DTNA: variants seen among roughly 807,000 people sequenced by gnomAD.
DTNA encodes the protein dystrobrevin alpha, also known as dystrophin-related protein 3.
Under a neutral mutation model 100.7 loss-of-function variants are expected in DTNA, and 43 were observed. That is an observed-to-expected ratio of 0.43 (90% CI 0.33 to 0.55). The LOEUF (loss-of-function observed/expected upper bound fraction) is 0.55. Among genes scored for constraint, DTNA ranks in the 20% least tolerant of loss-of-function variants. The probability of loss-of-function intolerance (pLI) is 0.04; values close to 1 mark genes in which losing one functional copy is unlikely to be tolerated. For synonymous variants in DTNA, 349 were observed against 347.9 expected (o/e 1.00, Z -0.04); for missense variants, 798 against 953.9 (o/e 0.84, Z 2.15).
At chr18:34,663,455 G>A (rs1405005386) in intron 1 of DTNA, among the ~76,000 whole-genome samples, 3 of 152,114 alleles carry the variant, frequency 2.0e-5, no homozygotes, top group Admixed American at 2.0e-4. Context: ...ATGAGCCACC[G>A]TGCCTAGCCA....
chr18:34,645,646 G>C (rs2143407970), intron 1 of DTNA, among the ~76,000 whole-genome samples: 1 of 152,166 alleles, frequency 6.6e-6, no homozygotes, highest in African/African-American at 2.4e-5. Flanking sequence ...GAAATGGAGA[G>C]GGGTTCCTTG....
intron 1 of DTNA, among the ~76,000 whole-genome samples, chr18:34,724,793 A>G (rs1044918534): frequency 1.2e-4 from 18 of 152,192 alleles, no homozygotes; most frequent in African/African-American, 4.3e-4. Context: ...CTAGGCAAAA[A>G]GAACAAAGCT....
intron 1 of DTNA, chr18:34,663,117 C>T (rs1275351551): frequency 1.3e-5 from 2 of 152,044 alleles, no homozygotes. Flanking sequence ...GTTATTAAGT[C>T]TTGGGAGTGT....
chr18:34,793,055 A>G (rs1482240776), intron 3 of DTNA, among the ~76,000 whole-genome samples: 4 of 152,226 alleles, frequency 2.6e-5, no homozygotes, highest in Non-Finnish European at 4.4e-5. Context: ...TCAGCAATAC[A>G]TGTATGAATT....
intron 3 of DTNA, among the ~76,000 whole-genome samples, chr18:34,777,057 C>G (rs924653218): frequency 6.6e-6 from 1 of 152,248 alleles, no homozygotes; most frequent in Non-Finnish European, 1.5e-5. Flanking sequence ...CCATTTAACA[C>G]TCCAGTTCCC....
At chr18:34,727,426 A>T (rs1420169864) in intron 1 of DTNA, among the ~76,000 whole-genome samples, 1 of 152,220 alleles carries the variant, frequency 6.6e-6, no homozygotes, top group Non-Finnish European at 1.5e-5. Flanking sequence ...CAGTATTATA[A>T]TATCCTTGTG....
At chr18:34,561,760 A>G (rs967849139) in intron 1 of DTNA, among the ~76,000 whole-genome samples, 1 of 152,200 alleles carries the variant, frequency 6.6e-6, no homozygotes, top group Non-Finnish European at 1.5e-5. Context: ...TTACTACGTT[A>G]GAGAAAAAGG....
chr18:34,826,302 A>T (rs528295939), intron 9 of DTNA, among the ~76,000 whole-genome samples: 1 of 152,040 alleles, frequency 6.6e-6, no homozygotes, highest in South Asian at 2.1e-4. Context: ...TTTAGTGGTG[A>T]TTTGTGAGAT....
chr18:34,770,512 G>A (rs1467168037), intron 3 of DTNA, among the ~76,000 whole-genome samples: 1 of 152,020 alleles, frequency 6.6e-6, no homozygotes, highest in Non-Finnish European at 1.5e-5. Context: ...TTTTGCATGT[G>A]GACAACTGGT....
At chr18:34,633,630 C>T (rs2058338624) in intron 1 of DTNA, among the ~76,000 whole-genome samples, 1 of 152,102 alleles carries the variant, frequency 6.6e-6, no homozygotes, top group South Asian at 2.1e-4. Flanking sequence ...TCAAAGGGTT[C>T]CTCTCACTTT....
intron 1 of DTNA, among the ~76,000 whole-genome samples, chr18:34,633,463 A>C (rs926443989): frequency 6.6e-6 from 1 of 152,198 alleles, no homozygotes; most frequent in Admixed American, 6.6e-5. Flanking sequence ...GAAAGCCATA[A>C]GAAAAGAACT....
chr18:34,856,127 G>A (rs1310913692), intron 15 of DTNA, among the ~76,000 whole-genome samples: 1 of 152,220 alleles, frequency 6.6e-6, no homozygotes, highest in Non-Finnish European at 1.5e-5. Flanking sequence ...ATGGCGGAAA[G>A]AGAGATTCAT....
intron 11 of DTNA, among the ~76,000 whole-genome samples, chr18:34,829,833 G>C (rs976425443): frequency 6.6e-6 from 1 of 152,220 alleles, no homozygotes; most frequent in Non-Finnish European, 1.5e-5. Context: ...GAATTAAGGA[G>C]TCTGTTGGAA....
chr18:34,614,507 T>G (rs1456828221), intron 1 of DTNA, among the ~76,000 whole-genome samples: 1 of 152,212 alleles, frequency 6.6e-6, no homozygotes, highest in East Asian at 1.9e-4. Flanking sequence ...TAGATGCTAT[T>G]AAGGATATTT....
At chr18:34,852,209 C>A (rs186584163) in intron 15 of DTNA, among the ~76,000 whole-genome samples, 3 of 152,200 alleles carry the variant, frequency 2.0e-5, no homozygotes, top group East Asian at 3.9e-4. Context: ...TTCTGAGATA[C>A]TTAATTTTGT....
chr18:34,641,710 C>T (rs545560096), intron 1 of DTNA, among the ~76,000 whole-genome samples: 39 of 152,306 alleles, frequency 2.6e-4, no homozygotes, highest in African/African-American at 9.4e-4. Flanking sequence ...CATTGTGTTT[C>T]AGGCATAAAC....
intron 3 of DTNA, 31 bp from the exon 4 acceptor site, chr18:34,794,006 G>A (rs1406130094): frequency 6.2e-7 from 1 of 1,606,808 alleles, no homozygotes; most frequent in Non-Finnish European, 8.5e-7. Context: ...CATTACTTTG[G>A]GCTGATGTGT....
chr18:34,742,734 A>G (rs2090936298), intron 1 of DTNA, among the ~76,000 whole-genome samples: 1 of 143,308 alleles, frequency 7.0e-6, no homozygotes, highest in Admixed American at 7.1e-5. Flanking sequence ...AGGGTAATAT[A>G]GTATGGCCTC....
chr18:34,883,879 C>T (rs2096897218), intron 21 of DTNA, among the ~76,000 whole-genome samples: 1 of 152,176 alleles, frequency 6.6e-6, no homozygotes, highest in South Asian at 2.1e-4. Context: ...GTTGGTCTAG[C>T]CATACCAAAG....
Sources: gnomAD v4.1 joint callset for allele counts (sites outside exome capture counted in the v4.1 genomes callset) on GRCh38, gnomAD v4.1.1 for gene constraint, MANE v1.5 for transcripts, NCBI Gene and HGNC (gene_info 2026-07-23, HGNC 2026-07-21) for gene names.